Variants in RAD51B observed in about 807,000 individuals in gnomAD.
RAD51B encodes the protein DNA repair protein RAD51 homolog 2.
RAD51B carries 38 observed loss-of-function variants against 42.2 expected under a neutral mutation model. The ratio of observed to expected loss-of-function variants is 0.90; its 90% CI spans 0.70 to 1.18. The LOEUF (loss-of-function observed/expected upper bound fraction) is 1.18. Ranked by LOEUF, RAD51B falls within the 50% of genes most tolerant of loss-of-function variation. The pLI is 0.00. For missense variants in RAD51B, 373 were observed against 400.7 expected (o/e 0.93, Z 0.59); for synonymous variants, 154 against 145.2 (o/e 1.06, Z -0.43).
At chr14:67,907,803 G>T (rs1212675761) in intron 7 of RAD51B, among the ~76,000 whole-genome samples, 1 of 151,338 alleles carries the variant, frequency 6.6e-6, no homozygotes, top group Non-Finnish European at 1.5e-5. Context: ...TATTGAGGTG[G>T]TCATCTTTAG....
At chr14:68,173,796 C>T (rs1024881123) in intron 7 of RAD51B, among the ~76,000 whole-genome samples, 1 of 152,158 alleles carries the variant, frequency 6.6e-6, no homozygotes, top group Non-Finnish European at 1.5e-5. Flanking sequence ...GAATGCATAG[C>T]TTTGAAACAG....
At chr14:67,994,860 G>A (rs1205628649) in intron 7 of RAD51B, among the ~76,000 whole-genome samples, 1 of 152,176 alleles carries the variant, frequency 6.6e-6, no homozygotes, top group East Asian at 1.9e-4. Context: ...AAAGGTGGAA[G>A]CAACCCAAAT....
intron 9 of RAD51B, 112 bp from the exon 10 acceptor site, chr14:68,468,060 C>A: frequency 2.3e-6 from 2 of 882,224 alleles, no homozygotes; most frequent in Non-Finnish European, 3.7e-6. Flanking sequence ...TTAAATAAGC[C>A]TTGTGACTTA....
In RAD51B at chr14:68,632,375, G is replaced by T. The variant is rs1048341595; in HGVS notation, c.1037-18406G>T. On this transcript the variant is annotated intron_variant, in intron 10 of 11. Transcript: ENST00000488612. Reference sequence around the variant, plus strand: ...ATCCAAAGTGTTTCTCAGGGAGAGCGGCCAAGTGAGCACAGGAGCCGCTCG... The same window carrying T: ...ATCCAAAGTGTTTCTCAGGGAGAGCTGCCAAGTGAGCACAGGAGCCGCTCG... Among the ~76,000 whole-genome samples the T allele has an allele frequency of 3.9e-5, 6 of 152,262 alleles. No individual in the cohort carries two copies. The South Asian group carries it at 6.2e-4, about 16-fold the overall frequency.
intron 10 of RAD51B, among the ~76,000 whole-genome samples, chr14:68,504,680 T>TTTTTTTTTTTTTTTTTTA (rs58954673): frequency 7.4e-6 from 1 of 135,282 alleles, no homozygotes; most frequent in Non-Finnish European, 1.6e-5. Flanking sequence ...TTTTTTTTTT[T>TTTTTTTTTTTTTTTTTTA]TTTTTTTGCT....
At chr14:68,198,076 G>A (rs1391980270) in intron 7 of RAD51B, among the ~76,000 whole-genome samples, 1 of 151,916 alleles carries the variant, frequency 6.6e-6, no homozygotes, top group Non-Finnish European at 1.5e-5. Flanking sequence ...AAGCTTTATT[G>A]TTTCATCTCT....
intron 2 of RAD51B, among the ~76,000 whole-genome samples, chr14:67,824,932 G>A (rs1435041843): frequency 1.3e-5 from 2 of 151,554 alleles, no homozygotes; most frequent in African/African-American, 4.9e-5. Flanking sequence ...AAAAAAATTA[G>A]CCAGGCATGG....
At chr14:68,644,067 C>A (rs975742960) in intron 10 of RAD51B, among the ~76,000 whole-genome samples, 2 of 152,202 alleles carry the variant, frequency 1.3e-5, no homozygotes, top group African/African-American at 2.4e-5. Context: ...CCACTCTGTG[C>A]AATAATTCCC....
chr14:68,479,790 T>C (rs1357668293), downstream of RAD51B, among the ~76,000 whole-genome samples: 1 of 144,022 alleles, frequency 6.9e-6, no homozygotes, highest in East Asian at 2.2e-4. Flanking sequence ...AACCTCAGCC[T>C]CCGAAGTAGC....
intron 10 of RAD51B, among the ~76,000 whole-genome samples, chr14:68,534,994 T>C (rs1234032197): frequency 2.0e-5 from 3 of 152,312 alleles, no homozygotes; most frequent in Middle Eastern, 6.8e-3. Flanking sequence ...GATGAGAACA[T>C]TGAGGCACAG....
At chr14:68,634,730 A>G (rs988118517) in intron 10 of RAD51B, among the ~76,000 whole-genome samples, 2 of 152,216 alleles carry the variant, frequency 1.3e-5, no homozygotes, top group African/African-American at 2.4e-5. Flanking sequence ...GTGCTAGATC[A>G]AGGGAGAAGG....
At chr14:68,036,960 C>CT (rs950617262) in intron 7 of RAD51B, among the ~76,000 whole-genome samples, 7 of 147,838 alleles carry the variant, frequency 4.7e-5, no homozygotes, top group Non-Finnish European at 7.5e-5. Flanking sequence ...AGCTGTTTCA[C>CT]TTTTTTTTTT....
intron 10 of RAD51B, among the ~76,000 whole-genome samples, chr14:68,638,706 G>A (rs572223012): frequency 3.3e-5 from 5 of 152,210 alleles, no homozygotes; most frequent in South Asian, 4.1e-4. Context: ...AAAGGGTGCC[G>A]AGCAAACCTG....
At position 68,587,098 on chromosome 14, in the gene RAD51B, T is replaced by C. The variant is rs12885459; in HGVS notation, c.1037-7387T>C. The stretch of plus-strand genomic sequence containing the variant: ...CAGCCAGGGATCCTGCTCTCTGCTA[T>C]ATGTCAGTGTTCCAGCACAGTGCCT... On this transcript the variant is annotated intron_variant, in intron 10 of 10. Transcript: ENST00000487270. Among the ~76,000 whole-genome samples, 529 of 152,060 alleles carry C rather than the reference T, an allele frequency of 3.5e-3. 7 individuals are homozygous for C. Among genetic ancestry groups the C allele is most frequent in the Middle Eastern group, 6.8e-3 (2 of 292 alleles).
intron 8 of RAD51B, among the ~76,000 whole-genome samples, chr14:68,391,297 T>C (rs2083752721): frequency 6.6e-6 from 1 of 152,018 alleles, no homozygotes; most frequent in South Asian, 2.1e-4. Context: ...TATATATCAG[T>C]TGTTGAGTCT....
At chr14:68,430,794 A>T (rs1190015964) in intron 9 of RAD51B, among the ~76,000 whole-genome samples, 1 of 151,976 alleles carries the variant, frequency 6.6e-6, no homozygotes, top group Non-Finnish European at 1.5e-5. Context: ...TATGTTGAAT[A>T]GGAGTGGTGA....
intron 4 of RAD51B, among the ~76,000 whole-genome samples, chr14:67,846,380 C>G (rs1415641894): frequency 6.6e-6 from 1 of 152,168 alleles, no homozygotes; most frequent in African/African-American, 2.4e-5. Context: ...GGGTTACACT[C>G]TACACCACAG....
intron 5 of RAD51B, among the ~76,000 whole-genome samples, chr14:67,876,783 G>T (rs1359019553): frequency 6.6e-6 from 1 of 152,110 alleles, no homozygotes; most frequent in Non-Finnish European, 1.5e-5. Flanking sequence ...GTTAGGCTAA[G>T]TTAGATGATA....
At chr14:68,652,559 C>T (rs922796765) in intron 11 of RAD51B, among the ~76,000 whole-genome samples, 1 of 152,256 alleles carries the variant, frequency 6.6e-6, no homozygotes. Context: ...TTCACTTACT[C>T]GCTTTGTCCA....
Sources: allele counts gnomAD v4.1 joint callset (sites outside exome capture counted in the v4.1 genomes callset), GRCh38; gene constraint gnomAD v4.1.1; transcripts MANE v1.5; gene names NCBI Gene and HGNC (gene_info 2026-07-23, HGNC 2026-07-21).